HS3ST4: variants seen among roughly 807,000 people sequenced by gnomAD.
HS3ST4 encodes heparan sulfate glucosamine 3-O-sulfotransferase 4.
Under a neutral mutation model 29.2 loss-of-function variants are expected in HS3ST4, and 17 were observed. The ratio of observed to expected loss-of-function variants is 0.58; its 90% CI spans 0.40 to 0.87. The LOEUF (loss-of-function observed/expected upper bound fraction) is 0.87, where lower values mean the gene tolerates loss of function less well. Among genes scored for constraint, HS3ST4 ranks in the 40% least tolerant of loss-of-function variants. The pLI is 0.00. For missense variants in HS3ST4, 627 were observed against 634.5 expected, an observed-to-expected ratio of 0.99 and a Z score of 0.13; for synonymous variants, 314 against 285.7, an observed-to-expected ratio of 1.10 and a Z score of -1.00.
In HS3ST4 at chr16:25,878,188, GT is replaced by G. The variant is rs1354689272; in HGVS notation, c.734+185038del. 3.9e-5 allele frequency among the ~76,000 whole-genome samples: 6 copies of G among 152,248 alleles called. No homozygotes were observed. In the East Asian group the frequency reaches 1.2e-3, roughly 29 times the overall value. ...TTTAATTATGGATAACAATGGCATT[GT>G]GATGAGGACCAAATGAGATGATGTA... On this transcript the variant is annotated intron_variant, in intron 1 of 1. Coordinates refer to ENST00000331351, the MANE Select transcript of HS3ST4 (RefSeq NM_006040.3).
At chr16:25,792,550 AT>A (rs1228811914) in intron 1 of HS3ST4, among the ~76,000 whole-genome samples, 1 of 151,834 alleles carries the variant, frequency 6.6e-6, no homozygotes, top group Admixed American at 6.6e-5. Context: ...TTTCTAGAAT[AT>A]TTTTTATTGA....
intron 1 of HS3ST4, among the ~76,000 whole-genome samples, chr16:25,902,132 A>T (rs1461849511): frequency 6.6e-6 from 1 of 152,144 alleles, no homozygotes; most frequent in East Asian, 1.9e-4. Flanking sequence ...CCAAATTGAT[A>T]ATCAGCTCAC....
intron 1 of HS3ST4, among the ~76,000 whole-genome samples, chr16:26,039,041 G>A (rs147466541): frequency 3.3e-5 from 5 of 152,144 alleles, no homozygotes; most frequent in African/African-American, 1.2e-4. Flanking sequence ...TCAGAGATAA[G>A]GCAACACTTT....
intron 1 of HS3ST4, among the ~76,000 whole-genome samples, chr16:25,830,517 A>T (rs57820391): frequency 6.6e-6 from 1 of 152,028 alleles, no homozygotes; most frequent in African/African-American, 2.4e-5. Flanking sequence ...TACTTCTCTG[A>T]GTTTGTCCTT....
chr16:25,853,504 T>C (rs1412404828), intron 1 of HS3ST4, among the ~76,000 whole-genome samples: 3 of 152,200 alleles, frequency 2.0e-5, no homozygotes, highest in African/African-American at 7.2e-5. Flanking sequence ...GGCTTTAAGC[T>C]TTTCACTGTT....
Position 25,692,579 on chromosome 16 carries a change from C to T in HS3ST4, c.162C>T (p.Gly54=). The T allele has an allele frequency of 4.2e-6, 6 of 1,430,964 alleles. No homozygotes were observed. The highest frequency in any genetic ancestry group is 4.6e-6 in the Non-Finnish European group (5 of 1,081,948). The allele number at this position is 1,430,964 out of a possible 1,614,324, so 88.6% of individuals were successfully genotyped here. Residue 54 remains glycine (G), a synonymous_variant, in exon 1 of 2, where the codon GGC becomes GGT. Coordinates refer to ENST00000331351, the MANE Select transcript of HS3ST4 (RefSeq NM_006040.3). ...SVTYLCYSLL[G]GSGSLQFPLA... ...CCTACCTGTGCTACAGCCTCCTGGG[C>T]GGCTCGGGCTCCCTGCAATTCCCTC...
intron 1 of HS3ST4, among the ~76,000 whole-genome samples, chr16:25,979,001 G>A (rs904654066): frequency 2.9e-5 from 4 of 136,928 alleles, no homozygotes; most frequent in African/African-American, 5.4e-5. Context: ...GGGTTCAAGC[G>A]ATTCTCCTGC....
intron 1 of HS3ST4, among the ~76,000 whole-genome samples, chr16:25,879,349 C>T (rs777347986): frequency 1.3e-5 from 2 of 152,046 alleles, no homozygotes; most frequent in Non-Finnish European, 2.9e-5. Context: ...GTGATACAGA[C>T]GTACTCAAGA....
At chr16:25,730,129 A>G (rs1966561059) in intron 1 of HS3ST4, among the ~76,000 whole-genome samples, 1 of 152,192 alleles carries the variant, frequency 6.6e-6, no homozygotes, top group Non-Finnish European at 1.5e-5. Flanking sequence ...TAGACAATGC[A>G]GTCTCAATGG....
At chr16:25,900,886 T>G (rs1968114531) in intron 1 of HS3ST4, among the ~76,000 whole-genome samples, 1 of 152,164 alleles carries the variant, frequency 6.6e-6, no homozygotes, top group Non-Finnish European at 1.5e-5. Context: ...AGTCCTAGAT[T>G]ACATGATTAC....
At chr16:25,801,912 A>G (rs1371742131) in intron 1 of HS3ST4, among the ~76,000 whole-genome samples, 1 of 150,062 alleles carries the variant, frequency 6.7e-6, no homozygotes, top group Non-Finnish European at 1.5e-5. Context: ...CTCCTCTTGG[A>G]TTTTATACTT....
chr16:26,120,073 G>A (rs200585540), intron 1 of HS3ST4, among the ~76,000 whole-genome samples: 1 of 102,564 alleles, frequency 9.8e-6, no homozygotes, highest in African/African-American at 3.4e-5. Flanking sequence ...GTGTGTGTAT[G>A]TGTGTGTGTG....
At chr16:25,738,314 C>T (rs1018031163) in intron 1 of HS3ST4, among the ~76,000 whole-genome samples, 14 of 152,196 alleles carry the variant, frequency 9.2e-5, no homozygotes, top group African/African-American at 3.1e-4. Flanking sequence ...TGACTATCAG[C>T]GCAGCTCTTA....
At chr16:25,899,840 G>C (rs1886861948) in intron 1 of HS3ST4, among the ~76,000 whole-genome samples, 4 of 151,926 alleles carry the variant, frequency 2.6e-5, no homozygotes, top group African/African-American at 9.7e-5. Flanking sequence ...GCAAATGTGA[G>C]AACTCCTTCA....
At position 25,763,462 on chromosome 16, in the gene HS3ST4, G is replaced by A. The variant is rs187003255; in HGVS notation, c.734+70311G>A. Among the ~76,000 whole-genome samples the A allele has an allele frequency of 7.2e-5, 11 of 152,274 alleles. No individual in the cohort carries two copies. The East Asian group carries it at 1.5e-3, about 21-fold the overall frequency. On this transcript the variant is annotated intron_variant, in intron 1 of 1. Coordinates refer to ENST00000331351, the MANE Select transcript of HS3ST4 (RefSeq NM_006040.3). ...TGCAGGTTAGACGTTTTCCTGCCACGTCTAGGCAAACCCTTGAGTGTCAAA... is the reference window on the plus strand; with the variant it reads ...TGCAGGTTAGACGTTTTCCTGCCACATCTAGGCAAACCCTTGAGTGTCAAA...
chr16:25,695,689 C>G (rs1257365052), intron 1 of HS3ST4, among the ~76,000 whole-genome samples: 1 of 152,204 alleles, frequency 6.6e-6, no homozygotes, highest in Non-Finnish European at 1.5e-5. Context: ...TCCAACTCTT[C>G]ATCTTTTAAA....
At chr16:25,922,209 A>G (rs532179460) in intron 1 of HS3ST4, among the ~76,000 whole-genome samples, 4 of 152,242 alleles carry the variant, frequency 2.6e-5, no homozygotes, top group East Asian at 1.9e-4. Flanking sequence ...CCTAAAATCT[A>G]TAGGTTGAAA....
intron 1 of HS3ST4, among the ~76,000 whole-genome samples, chr16:25,774,834 G>C (rs1013619965): frequency 2.0e-5 from 3 of 152,206 alleles, no homozygotes; most frequent in Non-Finnish European, 4.4e-5. Context: ...GCAGCAGTCT[G>C]CTTGCATTCC....
At chr16:26,112,239 T>C (rs1323589463) in intron 1 of HS3ST4, among the ~76,000 whole-genome samples, 1 of 105,960 alleles carries the variant, frequency 9.4e-6, no homozygotes, top group Non-Finnish European at 2.1e-5. Flanking sequence ...CTCGAGTGTG[T>C]GTGTGTGTGT....
Sources: allele counts gnomAD v4.1 joint callset (sites outside exome capture counted in the v4.1 genomes callset), GRCh38; gene constraint gnomAD v4.1.1; transcripts MANE v1.5; gene names NCBI Gene and HGNC (gene_info 2026-07-23, HGNC 2026-07-21).